The following DNAH9 variants were observed in gnomAD, a reference collection of about 807,000 sequenced individuals.
The protein encoded by DNAH9 is dynein axonemal heavy chain 9, also known as DNAH9 variant protein.
A neutral mutation model predicts 471.6 loss-of-function variants in DNAH9; 345 were observed. The observed-to-expected ratio is 0.73, with a 90% CI of 0.67 to 0.80. The LOEUF is 0.80. Ranked by LOEUF, DNAH9 falls within the 30% of genes least tolerant of loss-of-function variation. The probability of loss-of-function intolerance (pLI) is 0.00; values close to 1 mark genes in which losing one functional copy is unlikely to be tolerated. For missense variants in DNAH9, 5,407 were observed against 5,609.2 expected, an observed-to-expected ratio of 0.96 and a Z score of 1.15; for synonymous variants, 2,093 against 2,123.6, an observed-to-expected ratio of 0.99 and a Z score of 0.40.
intron 60 of DNAH9, among the ~76,000 whole-genome samples, chr17:11,903,203 G>A (rs1213681024): frequency 1.3e-5 from 2 of 152,184 alleles, no homozygotes; most frequent in East Asian, 1.9e-4. Flanking sequence ...GCCTGGCATG[G>A]TGACAGGCAC....
At chr17:11,928,722 T>C (rs1974407700) in intron 62 of DNAH9, among the ~76,000 whole-genome samples, 1 of 152,204 alleles carries the variant, frequency 6.6e-6, no homozygotes, top group Admixed American at 6.5e-5. Context: ...GGAAGATAAG[T>C]TTGGCAACAA....
At chr17:11,708,018 G>C (rs11078029) in intron 26 of DNAH9, among the ~76,000 whole-genome samples, 51 of 86,796 alleles carry the variant, frequency 5.9e-4, no homozygotes, top group African/African-American at 1.9e-3. Flanking sequence ...CACACACAGA[G>C]AGAGAGAGAG....
At position 11,925,586 on chromosome 17, in the gene DNAH9, G is replaced by A. The variant is rs141827385; in HGVS notation, c.11877+1645G>A. On this transcript the variant is annotated intron_variant, in intron 62 of 68. Transcript: ENST00000262442. ...CATTTGCCAAGAGACTTCTCCGGAC[G>A]CCAGTGCTGGGAACCCAGGCACTTG... 3.9e-3 allele frequency: 608 copies of A among 154,764 alleles called. 7 individuals carry two copies. Among genetic ancestry groups the A allele is most frequent in the African/African-American group, 0.014 (577 of 41,608 alleles). The allele number at this position is 154,764 out of a possible 1,614,324, so 9.6% of individuals were successfully genotyped here. A position where few individuals can be genotyped will look rare whatever the true frequency, so the allele number is the denominator to read the frequency against.
intron 41 of DNAH9, among the ~76,000 whole-genome samples, chr17:11,786,977 C>T (rs1968895744): frequency 6.6e-6 from 1 of 152,184 alleles, no homozygotes. Flanking sequence ...GCTACGTGGT[C>T]CCCTCACTCT....
rs8074432 is a variant in DNAH9, at chr17:11,914,754, C to T, written c.11749+8945C>T. ...TTGTCGGTGACCTGTTTTTATTCCC[C>T]GAAAACTTTAGAATAATCTCTCTAC... On this transcript the variant is annotated intron_variant, in intron 61 of 68. Transcript: ENST00000262442. Among the ~76,000 whole-genome samples, 1,371 of 152,100 alleles carry T rather than the reference C, an allele frequency of 9.0e-3. 23 individuals are homozygous for T. The highest frequency in any genetic ancestry group is 0.031 in the African/African-American group (1,277 of 41,484).
chr17:11,768,718 AT>A, intron 37 of DNAH9, 92 bp downstream of exon 37: 1 of 1,471,682 alleles, frequency 6.8e-7, no homozygotes. Flanking sequence ...CTATCTGAGC[AT>A]TTGTCCTTGC....
At chr17:11,955,811 C>G (rs1304500933) in intron 67 of DNAH9, among the ~76,000 whole-genome samples, 4 of 152,172 alleles carry the variant, frequency 2.6e-5, no homozygotes, top group Non-Finnish European at 5.9e-5. Flanking sequence ...CAGGGAATTC[C>G]ATTAGAGACC....
chr17:11,607,615 G>A (rs1278105653), intron 1 of DNAH9, among the ~76,000 whole-genome samples: 1 of 152,052 alleles, frequency 6.6e-6, no homozygotes, highest in African/African-American at 2.4e-5. Flanking sequence ...TGTCGCCCAG[G>A]CTGGAGTGCA....
chr17:11,762,764 T>TTTTTTTTTG (rs1967741782), intron 35 of DNAH9, among the ~76,000 whole-genome samples: 1 of 94,578 alleles, frequency 1.1e-5, no homozygotes, highest in Admixed American at 1.2e-4. Flanking sequence ...GTGCGTTTTT[T>TTTTTTTTTG]TTTTTGTTTT....
Position 11,934,082 on chromosome 17 carries a change from G to A in DNAH9, c.12489+11G>A. On this transcript the variant is annotated intron_variant, in intron 65 of 68. Transcript: ENST00000262442. Reference sequence around the variant, plus strand: ...AATGGTTATCATCAGGTGAGACTCTGCTCTGTGCTTCTGATGTCGTGAGGG... The same window carrying A: ...AATGGTTATCATCAGGTGAGACTCTACTCTGTGCTTCTGATGTCGTGAGGG... 3 of 1,609,492 alleles carry A rather than the reference G, an allele frequency of 1.9e-6. No homozygotes were observed. Among genetic ancestry groups the A allele is most frequent in the Non-Finnish European group, 2.5e-6 (3 of 1,177,180 alleles).
chr17:11,611,546 C>A lies in DNAH9; in HGVS notation c.774-104C>A, dbSNP rs532740075. ...CTGGAGCACAGCCTCTGTGGAAGCA[C>A]CCCGAGGCAGGGCTCCTCTCTTTCT... On this transcript the variant is annotated intron_variant, in intron 3 of 68. Transcript: ENST00000262442. The A allele has an allele frequency of 7.0e-5, 87 of 1,235,690 alleles. No individual in the cohort carries two copies. The African/African-American group carries it at 1.2e-3, about 17-fold the overall frequency. 76.5% of individuals were successfully genotyped at this position (1,235,690 alleles called of 1,614,324 possible). A position where few individuals can be genotyped will look rare whatever the true frequency, so the allele number is the denominator to read the frequency against.
chr17:11,679,477 A>G (rs2074098372), intron 17 of DNAH9, among the ~76,000 whole-genome samples: 1 of 152,212 alleles, frequency 6.6e-6, no homozygotes, highest in African/African-American at 2.4e-5. Context: ...TCCATTCTTG[A>G]TTCTATCCAA....
In DNAH9 at chr17:11,623,270, G is replaced by C. The variant is rs574506226; in HGVS notation, c.1350+3489G>C. ...ATTACAGGTGTGAGCCACCGTGCCC[G>C]GCCAGCATTTCTTTTCTTGACTGTG... On this transcript the variant is annotated intron_variant, in intron 6 of 68. Transcript: ENST00000262442. The surrounding 1 kb of genome is among the most constrained non-coding windows in gnomAD (Gnocchi z 4.1). 6.6e-6 allele frequency among the ~76,000 whole-genome samples: 1 copy of C among 151,868 alleles called. No homozygotes were observed. Among genetic ancestry groups the C allele is most frequent in the African/African-American group, 2.4e-5 (1 of 41,348 alleles).
chr17:11,726,244 A>G (rs2075149548), intron 27 of DNAH9, among the ~76,000 whole-genome samples: 1 of 152,064 alleles, frequency 6.6e-6, no homozygotes, highest in Admixed American at 6.6e-5. Context: ...TCTGACTCTA[A>G]TCTTGTGACC....
chr17:11,747,056 G>T (rs1966910622), intron 31 of DNAH9, among the ~76,000 whole-genome samples: 2 of 152,186 alleles, frequency 1.3e-5, no homozygotes, highest in Admixed American at 1.3e-4. Context: ...AGAACCTTAA[G>T]AAAAGTGAAT....
chr17:11,644,724 G>C lies in DNAH9; in HGVS notation c.1970+25G>C, dbSNP rs752985852. ...AGTAAGCAACTTCTGGCATTGCGTG[G>C]GTCTGCAGATTGCACAGCCTCCATG... On this transcript the variant is annotated intron_variant, in intron 11 of 68. Coordinates refer to ENST00000262442, the MANE Select transcript of DNAH9 (RefSeq NM_001372.4). The C allele has an allele frequency of 2.6e-6, 4 of 1,565,754 alleles. No individual in the cohort carries two copies. In the East Asian group the frequency reaches 6.7e-5, roughly 26 times the overall value.
At chr17:11,731,407 T>A (rs1017104633) in intron 28 of DNAH9, among the ~76,000 whole-genome samples, 4 of 151,470 alleles carry the variant, frequency 2.6e-5, no homozygotes, top group African/African-American at 9.7e-5. Flanking sequence ...CTTTTTTTTT[T>A]TAAATTATAC....
chr17:11,871,556 G>A, intron 51 of DNAH9, 42 bp from the exon 52 acceptor site: 1 of 1,587,318 alleles, frequency 6.3e-7, no homozygotes, highest in Non-Finnish European at 8.6e-7. Flanking sequence ...ATCACCTACT[G>A]TGTAACACGC....
chr17:11,941,887 TAGATAG>T lies in DNAH9; in HGVS notation c.12661-414_12661-409del, dbSNP rs200478933. Among the ~76,000 whole-genome samples, 1,489 of 149,554 alleles carry T rather than the reference TAGATAG, an allele frequency of 1.0e-2. 27 individuals carry two copies. Among genetic ancestry groups the T allele is most frequent in the African/African-American group, 0.036 (1,424 of 39,056 alleles). On this transcript the variant is annotated intron_variant, in intron 66 of 68. Transcript: ENST00000262442. ...TATATTGATATACTGTATCTGGATATAGATAGATAGATTTGTCATTGCTGCTCATCA... is the reference window on the plus strand; with the variant it reads ...TATATTGATATACTGTATCTGGATATATAGATTTGTCATTGCTGCTCATCA...
Sources: gnomAD v4.1 joint callset for allele counts (sites outside exome capture counted in the v4.1 genomes callset) on GRCh38, gnomAD v4.1.1 for gene constraint, Gnocchi (gnomAD v3.1) non-coding constraint, MANE v1.5 for transcripts, NCBI Gene and HGNC (gene_info 2026-07-23, HGNC 2026-07-21) for gene names.